Variants in ESRRG observed in about 807,000 individuals in gnomAD.
ESRRG encodes the protein estrogen-related receptor gamma.
In ESRRG, 13 loss-of-function variants were observed where a neutral mutation model predicts 44.0. The observed-to-expected ratio is 0.30, with a 90% CI of 0.19 to 0.47. The LOEUF (loss-of-function observed/expected upper bound fraction) is 0.47. ESRRG is among the 20% of genes least tolerant of loss of function. The pLI, the probability that ESRRG is intolerant of heterozygous loss-of-function variation, is 1.00. For synonymous variants in ESRRG, 215 were observed against 214.6 expected, an observed-to-expected ratio of 1.00 and a Z score of -0.02; for missense variants, 395 against 580.6, an observed-to-expected ratio of 0.68 and a Z score of 3.29.
intron 1 of ESRRG, among the ~76,000 whole-genome samples, chr1:217,063,693 C>T (rs1438950135): frequency 6.6e-6 from 1 of 152,126 alleles, no homozygotes; most frequent in Non-Finnish European, 1.5e-5. Flanking sequence ...GGAAGAGGGA[C>T]CAGCTGACCC....
At chr1:216,986,991 C>T (rs776288146) in intron 1 of ESRRG, among the ~76,000 whole-genome samples, 12 of 152,140 alleles carry the variant, frequency 7.9e-5, no homozygotes, top group Non-Finnish European at 1.5e-4. Context: ...TCTTTCTATT[C>T]TCTCTATAGA....
intron 1 of ESRRG, among the ~76,000 whole-genome samples, chr1:217,087,198 C>T (rs2092133646): frequency 6.6e-6 from 1 of 152,206 alleles, no homozygotes; most frequent in Non-Finnish European, 1.5e-5. Context: ...TGAAATGTCC[C>T]TGTAAACAAG....
intron 1 of ESRRG, among the ~76,000 whole-genome samples, chr1:217,044,758 C>A (rs1218771393): frequency 1.3e-5 from 2 of 152,156 alleles, no homozygotes; most frequent in Admixed American, 1.3e-4. Flanking sequence ...AAACAGCCAC[C>A]AGAATAATTC....
chr1:216,770,991 G>C (rs1016630935), intron 2 of ESRRG, among the ~76,000 whole-genome samples: 2 of 151,968 alleles, frequency 1.3e-5, no homozygotes, highest in South Asian at 4.1e-4. Context: ...CATCAGCCTT[G>C]ATTCACCAAT....
chr1:216,816,519 A>G (rs2095143335), intron 2 of ESRRG, among the ~76,000 whole-genome samples: 1 of 152,236 alleles, frequency 6.6e-6, no homozygotes, highest in Non-Finnish European at 1.5e-5. Context: ...CCAAAAGCAA[A>G]TAAGCATTAA....
intron 1 of ESRRG, among the ~76,000 whole-genome samples, chr1:217,072,580 G>A (rs2151457391): frequency 6.6e-6 from 1 of 152,278 alleles, no homozygotes; most frequent in East Asian, 1.9e-4. Context: ...GCTCAGAATG[G>A]CTAAGCATCT....
chr1:216,824,301 C>T (rs2095353253), intron 2 of ESRRG, among the ~76,000 whole-genome samples: 1 of 152,000 alleles, frequency 6.6e-6, no homozygotes, highest in Admixed American at 6.6e-5. Flanking sequence ...CAGACATTAG[C>T]CGGGCATGGT....
intron 3 of ESRRG, among the ~76,000 whole-genome samples, chr1:216,618,179 A>G (rs1332514318): frequency 6.6e-6 from 1 of 152,254 alleles, no homozygotes; most frequent in Non-Finnish European, 1.5e-5. Flanking sequence ...CTCACATAGT[A>G]ATATCAAAAT....
intron 2 of ESRRG, among the ~76,000 whole-genome samples, chr1:216,837,690 G>A (rs970006458): frequency 4.6e-5 from 7 of 152,130 alleles, no homozygotes; most frequent in Admixed American, 3.9e-4. Context: ...AGGCTGATGG[G>A]GTCCTGAGCC....
At chr1:217,014,150 A>G (rs1028084507) in intron 1 of ESRRG, among the ~76,000 whole-genome samples, 1 of 151,784 alleles carries the variant, frequency 6.6e-6, no homozygotes, top group Non-Finnish European at 1.5e-5. Context: ...TCTTATTTTA[A>G]TTTATTTTAA....
chr1:216,684,539 ATAAT>A (rs1454236569), intron 1 of ESRRG, among the ~76,000 whole-genome samples: 1 of 152,258 alleles, frequency 6.6e-6, no homozygotes, highest in Non-Finnish European at 1.5e-5. Flanking sequence ...GATGTTTTGC[ATAAT>A]TAACCATCTG....
chr1:216,515,119 T>C lies in ESRRG; in HGVS notation c.1132+4033A>G, dbSNP rs2043834670. On this transcript the variant is annotated intron_variant, in intron 6 of 6. Transcript: ENST00000408911. ...CATTATTTAATTCACCTGCCTTATT[T>C]TACAGATGAGAAAACAGTTATGTAT... is the stretch of plus-strand genomic sequence containing the variant. 3.3e-5 allele frequency among the ~76,000 whole-genome samples: 5 copies of C among 152,194 alleles called. No homozygotes were observed. The South Asian group carries it at 1.0e-3, about 32-fold the overall frequency.
At chr1:216,915,362 T>C (rs1490862986) in intron 2 of ESRRG, among the ~76,000 whole-genome samples, 3 of 152,124 alleles carry the variant, frequency 2.0e-5, no homozygotes, top group African/African-American at 7.2e-5. Context: ...AGTCCAAATA[T>C]GCCACCACAA....
At chr1:216,703,920 G>A (rs2151899711) in intron 1 of ESRRG, among the ~76,000 whole-genome samples, 2 of 152,230 alleles carry the variant, frequency 1.3e-5, no homozygotes. Flanking sequence ...TTTATTTGGT[G>A]CTGGAAAATG....
At chr1:216,568,177 C>T (rs1412889067) in intron 3 of ESRRG, 79 bp from the exon 4 acceptor site, 4 of 963,668 alleles carry the variant, frequency 4.2e-6, no homozygotes, top group South Asian at 3.9e-5. Flanking sequence ...TGGTATCCCC[C>T]AAGAGCACAT....
chr1:217,027,177 A>T (rs534780701), intron 1 of ESRRG, among the ~76,000 whole-genome samples: 89 of 152,290 alleles, frequency 5.8e-4, no homozygotes, highest in African/African-American at 2.0e-3. Context: ...GTCCCCAAGA[A>T]CAACTTCCTA....
intron 1 of ESRRG, among the ~76,000 whole-genome samples, chr1:216,994,839 C>A (rs535960484): frequency 6.6e-6 from 1 of 152,242 alleles, no homozygotes; most frequent in African/African-American, 2.4e-5. Context: ...CCCACCTCGG[C>A]CTCTCAAAGT....
At chr1:216,510,736 T>A (rs2148772937) in intron 6 of ESRRG, among the ~76,000 whole-genome samples, 1 of 152,006 alleles carries the variant, frequency 6.6e-6, no homozygotes, top group Admixed American at 6.5e-5. Context: ...ATACAAAAAA[T>A]TAGCCGGGCG....
chr1:216,568,189 G>T, intron 3 of ESRRG, 91 bp from the exon 4 acceptor site: 1 of 880,732 alleles, frequency 1.1e-6, no homozygotes, highest in Non-Finnish European at 1.9e-6. Flanking sequence ...AGAGCACATA[G>T]GTGACAAACA....
Sources: gnomAD v4.1 joint callset for allele counts (sites outside exome capture counted in the v4.1 genomes callset) on GRCh38, gnomAD v4.1.1 for gene constraint, MANE v1.5 for transcripts, NCBI Gene and HGNC (gene_info 2026-07-23, HGNC 2026-07-21) for gene names.